Variants in SLC12A1 observed in about 807,000 individuals in gnomAD.
SLC12A1 encodes the protein solute carrier family 12 member 1.
SLC12A1 carries 89 observed loss-of-function variants against 130.4 expected under a neutral mutation model. The observed-to-expected ratio is 0.68, with a 90% CI of 0.58 to 0.81. SLC12A1 has a LOEUF of 0.81. SLC12A1 is among the 40% of genes least tolerant of loss of function. The pLI is 0.00. For missense variants in SLC12A1, 1,310 were observed against 1,336.4 expected, an observed-to-expected ratio of 0.98 and a Z score of 0.31; for synonymous variants, 499 against 460.0, an observed-to-expected ratio of 1.08 and a Z score of -1.09.
intron 2 of SLC12A1, among the ~76,000 whole-genome samples, chr15:48,211,068 C>T (rs948792903): frequency 6.6e-6 from 1 of 152,158 alleles, no homozygotes; most frequent in African/African-American, 2.4e-5. Flanking sequence ...TAGGCCTAAG[C>T]TCTGAATAAT....
At chr15:48,297,290 G>A (rs759713984) in intron 24 of SLC12A1, among the ~76,000 whole-genome samples, 5 of 152,146 alleles carry the variant, frequency 3.3e-5, no homozygotes, top group Non-Finnish European at 5.9e-5. Flanking sequence ...GCTCCTTTCA[G>A]GTTTCACTAA....
intron 25 of SLC12A1, 64 bp from the exon 26 acceptor site, chr15:48,301,251 A>G (rs1037024613): frequency 9.1e-7 from 1 of 1,099,568 alleles, no homozygotes; most frequent in South Asian, 1.4e-5. Context: ...ATGATTTAAG[A>G]AAATAAATTC....
intron 24 of SLC12A1, among the ~76,000 whole-genome samples, chr15:48,294,093 T>C (rs1297100433): frequency 6.7e-6 from 1 of 150,344 alleles, no homozygotes; most frequent in Admixed American, 6.6e-5. Flanking sequence ...CTCACGCCTG[T>C]AATCCCAGCA....
intron 21 of SLC12A1, among the ~76,000 whole-genome samples, chr15:48,287,487 A>G (rs2042071989): frequency 6.6e-6 from 1 of 152,230 alleles, no homozygotes; most frequent in South Asian, 2.1e-4. Context: ...CTAAATAGTC[A>G]TAGAGTTCAA....
At position 48,227,390 on chromosome 15, in the gene SLC12A1, AAGTGGAG is replaced by A. The variant is rs1390918351; in HGVS notation, c.724+824_724+830del. The A allele has an allele frequency of 1.0e-5, 6 of 576,084 alleles. No homozygotes were observed. In the East Asian group the frequency reaches 1.8e-4, roughly 17 times the overall value. 35.7% of individuals were successfully genotyped at this position (576,084 alleles called of 1,614,324 possible). On this transcript the variant is annotated intron_variant, in intron 5 of 26. Coordinates refer to ENST00000380993, the MANE Select transcript of SLC12A1 (RefSeq NM_000338.3). The stretch of plus-strand genomic sequence containing the variant: ...TTTCTTGTAACAAAACATGTTTATA[AAGTGGAG>A]AGTGACTATGTGTCTAGTAAGAAGG...
chr15:48,220,760 G>A lies in SLC12A1; in HGVS notation c.547G>A (p.Val183Met), dbSNP rs762974568. Residue 183 changes from valine (V) to methionine (M), a missense_variant, in exon 3 of 27, where the codon GTG becomes ATG. Coordinates refer to ENST00000380993, the MANE Select transcript of SLC12A1 (RefSeq NM_000338.3). ...GVVKFGWVKGVLVRCMLNIWG... is the reference protein window; with the variant it reads ...GVVKFGWVKGMLVRCMLNIWG... The stretch of plus-strand genomic sequence containing the variant: ...TGTGAAGTTTGGATGGGTGAAAGGT[G>A]TGCTGGTGAGAAAGCTCTTCTGTTT... 6.2e-7 allele frequency: 1 copy of A among 1,613,958 alleles called. No individual in the cohort carries two copies. Among genetic ancestry groups the A allele is most frequent in the East Asian group, 2.2e-5 (1 of 44,872 alleles).
At chr15:48,245,135 G>T (rs1355008316) in intron 11 of SLC12A1, among the ~76,000 whole-genome samples, 1 of 152,202 alleles carries the variant, frequency 6.6e-6, no homozygotes, top group Non-Finnish European at 1.5e-5. Context: ...TGCATCATCA[G>T]GGAGAGATCA....
chr15:48,254,592 T>TAAAAAAAAAAA lies in SLC12A1; in HGVS notation c.1943-1191_1943-1181dup, dbSNP rs550686114. Among the ~76,000 whole-genome samples, 31 of 52,890 alleles carry TAAAAAAAAAAA rather than the reference T, an allele frequency of 5.9e-4. 3 individuals are homozygous for TAAAAAAAAAAA. The highest frequency in any genetic ancestry group is 9.4e-4 in the Non-Finnish European group (22 of 23,404). 34.7% of individuals were successfully genotyped at this position (52,890 alleles called of 152,430 possible). On this transcript the variant is annotated intron_variant, in intron 15 of 26. Transcript: ENST00000380993. ...AAGATCCATTTAATACTTAAATTCGTAAAAAAAAAAAAAAAAAAAAAAAAA... is the reference window on the plus strand; with the variant it reads ...AAGATCCATTTAATACTTAAATTCGTAAAAAAAAAAAAAAAAAAAAAAAAAAAAAAAAAAAA...
intron 19 of SLC12A1, among the ~76,000 whole-genome samples, chr15:48,270,714 G>T: frequency 1.4e-5 from 1 of 70,430 alleles, no homozygotes; most frequent in Non-Finnish European, 2.3e-5. Flanking sequence ...CACAATTGTG[G>T]AGTATATAAT....
At chr15:48,264,732 T>TA (rs2041813594) in intron 17 of SLC12A1, among the ~76,000 whole-genome samples, 1 of 152,110 alleles carries the variant, frequency 6.6e-6, no homozygotes, top group Non-Finnish European at 1.5e-5. Flanking sequence ...ACTTTCAATG[T>TA]TAAAAAAAAG....
chr15:48,280,168 A>T (rs1190619516), intron 20 of SLC12A1, among the ~76,000 whole-genome samples: 1 of 109,152 alleles, frequency 9.2e-6, no homozygotes, highest in Admixed American at 8.3e-5. Context: ...AAGATATCTT[A>T]AAAAAAAAAA....
intron 14 of SLC12A1, among the ~76,000 whole-genome samples, chr15:48,250,575 A>G (rs1238048828): frequency 6.6e-6 from 1 of 152,058 alleles, no homozygotes; most frequent in Non-Finnish European, 1.5e-5. Flanking sequence ...AGCCAGGGAA[A>G]AGAGTAAAAA....
At chr15:48,272,418 T>TTTTGTTTGTTTG (rs57354501) in intron 19 of SLC12A1, among the ~76,000 whole-genome samples, 18,191 of 151,534 alleles carry the variant, frequency 0.12, 1,772 homozygotes, top group East Asian at 0.32. Context: ...TGGTTTAGTT[T>TTTTGTTTGTTTG]TTTGTTTGTT....
intron 2 of SLC12A1, among the ~76,000 whole-genome samples, chr15:48,211,119 C>T (rs1421963480): frequency 6.6e-6 from 1 of 152,158 alleles, no homozygotes; most frequent in Non-Finnish European, 1.5e-5. Context: ...CTTTTACAGA[C>T]TTGATGCTCA....
Position 48,291,842 on chromosome 15 carries a change from A to C in SLC12A1, c.2938A>C (p.Asn980His). Residue 980 changes from asparagine to histidine, a missense_variant, in exon 24 of 27, where the codon AAC becomes CAC. Transcript: ENST00000380993. ...FADIHIIGDI[N>H]IRPNKESWKV... ...AGACATCCATATCATCGGTGACATC[A>C]ACATTAGGCCAAACAAAGAGAGGTA... 6.4e-7 allele frequency: 1 copy of C among 1,569,214 alleles called. No homozygotes were observed. Among genetic ancestry groups the C allele is most frequent in the African/African-American group, 1.3e-5 (1 of 74,166 alleles).
chr15:48,229,839 C>G (rs901672369), intron 6 of SLC12A1, among the ~76,000 whole-genome samples: 1 of 152,184 alleles, frequency 6.6e-6, no homozygotes, highest in African/African-American at 2.4e-5. Context: ...GATATATCAA[C>G]TAATTTCTAG....
At position 48,249,654 on chromosome 15, in the gene SLC12A1, T is replaced by C. The variant is rs113857218; in HGVS notation, c.1764T>C (p.His588=). ...SYALINFSCF[H]ASYAKSPGWR... is the part of the protein sequence containing the mutation. ...CACTTATTAATTTCTCCTGCTTCCA[T>C]GCCTCTTATGCCAAATCTCCAGGTA... is the stretch of plus-strand genomic sequence containing the variant. The change falls in exon 14 of 27, where the codon CAT becomes CAC. Residue 588 remains histidine (H), a synonymous_variant. Transcript: ENST00000380993. 5.3e-5 allele frequency: 85 copies of C among 1,613,350 alleles called. No homozygotes were observed. In the African/African-American group the frequency reaches 9.2e-4, roughly 17 times the overall value.
Position 48,266,277 on chromosome 15 carries a change from G to A in SLC12A1, c.2155-1284G>A, listed in dbSNP as rs149271008. Among the ~76,000 whole-genome samples, 734 of 152,194 alleles carry A rather than the reference G, an allele frequency of 4.8e-3. 8 individuals carry two copies. The highest frequency in any genetic ancestry group is 0.044 in the Middle Eastern group (13 of 294). ...AAGCACAGTGGTAAAATCACATCCG[G>A]GGCTTTGATGACATTGCACTAGGTA... On this transcript the variant is annotated intron_variant, in intron 17 of 26. Coordinates refer to ENST00000380993, the MANE Select transcript of SLC12A1 (RefSeq NM_000338.3).
At chr15:48,214,489 T>G (rs2041095618) in intron 2 of SLC12A1, among the ~76,000 whole-genome samples, 1 of 152,198 alleles carries the variant, frequency 6.6e-6, no homozygotes, top group African/African-American at 2.4e-5. Context: ...TCAGCTATAG[T>G]AAATGCACTA....
Sources: allele counts gnomAD v4.1 joint callset (sites outside exome capture counted in the v4.1 genomes callset), GRCh38; gene constraint gnomAD v4.1.1; transcripts MANE v1.5; gene names NCBI Gene and HGNC (gene_info 2026-07-23, HGNC 2026-07-21).